ASAP3: variants seen among roughly 807,000 people sequenced by gnomAD.
ASAP3 encodes the protein ArfGAP with SH3 domain, ankyrin repeat and PH domain 3.
In ASAP3, 85 loss-of-function variants were observed where a neutral mutation model predicts 118.2. The ratio of observed to expected loss-of-function variants is 0.72; its 90% CI spans 0.60 to 0.86. ASAP3 has a LOEUF of 0.86. Among genes scored for constraint, ASAP3 ranks in the 40% least tolerant of loss-of-function variants. The pLI, the probability that ASAP3 is intolerant of heterozygous loss-of-function variation, is 0.00. For synonymous variants in ASAP3, 432 were observed against 477.4 expected (o/e 0.90, Z 1.24); for missense variants, 1,026 against 1,175.0 (o/e 0.87, Z 1.85).
rs1289402314 is a variant in ASAP3 at position 23,433,616 on chromosome 1, G to A, written c.2019+10C>T. On this transcript the variant is annotated intron_variant, in intron 20 of 24. Coordinates refer to ENST00000336689, the MANE Select transcript of ASAP3 (RefSeq NM_017707.4). ...AGAGTCAGGGGCCCCTTGCCTCCCC[G>A]AGTCCTCACCAGCTCCTCACACTCC... 7 of 1,614,234 alleles carry A rather than the reference G, an allele frequency of 4.3e-6. No homozygotes were observed. The highest frequency in any genetic ancestry group is 1.7e-5 in the Admixed American group (1 of 60,034).
chr1:23,432,525 T>C (rs1640476200), intron 22 of ASAP3, among the ~76,000 whole-genome samples: 1 of 152,004 alleles, frequency 6.6e-6, no homozygotes, highest in Admixed American at 6.6e-5. Context: ...CAACCCCCAA[T>C]CCCAGCAGGA....
chr1:23,431,287 C>T (rs1229007508), intron 23 of ASAP3, among the ~76,000 whole-genome samples, 162 bp from the exon 24 acceptor site: 2 of 152,244 alleles, frequency 1.3e-5, no homozygotes, highest in East Asian at 3.8e-4. Flanking sequence ...AAGGCTGGAA[C>T]TGACCTCCAG....
chr1:23,460,244 C>T (rs1370371485), intron 1 of ASAP3, among the ~76,000 whole-genome samples: 3 of 152,104 alleles, frequency 2.0e-5, no homozygotes, highest in African/African-American at 7.2e-5. Context: ...CGGTGGTTCA[C>T]GCCTATAATC....
At chr1:23,450,307 A>G (rs774356153) in intron 5 of ASAP3, among the ~76,000 whole-genome samples, 5 of 152,212 alleles carry the variant, frequency 3.3e-5, no homozygotes, top group African/African-American at 4.8e-5. Flanking sequence ...ACAGGAACAG[A>G]TTAAATACAT....
intron 1 of ASAP3, among the ~76,000 whole-genome samples, chr1:23,482,447 G>A (rs910109230): frequency 2.0e-5 from 3 of 152,048 alleles, no homozygotes; most frequent in Non-Finnish European, 2.9e-5. Context: ...GCTTGAACCC[G>A]GGAGGCAGAG....
intron 7 of ASAP3, 149 bp from the exon 8 acceptor site, chr1:23,441,879 A>G: frequency 1.2e-6 from 1 of 835,300 alleles, no homozygotes; most frequent in Non-Finnish European, 1.9e-6. Context: ...CATAGACAAG[A>G]GTCTCTCTTG....
Position 23,436,917 on chromosome 1 carries a change from C to T in ASAP3, c.1470G>A (p.Glu490=). The T allele has an allele frequency of 2.5e-6, 4 of 1,611,570 alleles. No individual in the cohort carries two copies. The highest frequency in any genetic ancestry group is 3.4e-6 in the Non-Finnish European group (4 of 1,179,546). Residue 490 remains glutamate, a synonymous_variant, in exon 15 of 25, where the codon GAG becomes GAA. Coordinates refer to ENST00000336689, the MANE Select transcript of ASAP3 (RefSeq NM_017707.4). The surrounding 1 kb of genome is among the most constrained non-coding windows in gnomAD (Gnocchi z 4.2). ...SLTLDLLGPS[E]LLLALNMGNT... is the part of the protein sequence containing the mutation. ...GGCCCCGCCCCGCCCTCACCAACAACTCGGAGGGGCCCAGCAGGTCCAAGG... is the reference window on the plus strand; with the variant it reads ...GGCCCCGCCCCGCCCTCACCAACAATTCGGAGGGGCCCAGCAGGTCCAAGG...
intron 1 of ASAP3, among the ~76,000 whole-genome samples, chr1:23,470,836 A>G (rs1434644091): frequency 6.6e-6 from 1 of 152,094 alleles, no homozygotes; most frequent in African/African-American, 2.4e-5. Context: ...AGGGAGCCAC[A>G]CCCTCGATGT....
upstream of ASAP3, chr1:23,484,201 G>T (rs1433432821): frequency 1.7e-6 from 2 of 1,209,610 alleles, no homozygotes; most frequent in Non-Finnish European, 2.1e-6. Flanking sequence ...CGCTGAGCCG[G>T]CCTCACCGCC....
intron 4 of ASAP3, 128 bp downstream of exon 4, chr1:23,452,569 G>T (rs1458482822): frequency 1.9e-6 from 2 of 1,028,142 alleles, no homozygotes; most frequent in Non-Finnish European, 3.0e-6. Context: ...ACCTCCCCAG[G>T]CTCATCACTC....
Position 23,484,122 on chromosome 1 carries a change from C to A in ASAP3, c.12G>T (p.Gln4His). Reference sequence around the variant, plus strand: ...CGGCCAGGAACTCGGCGACGCTGAACTGCTCCGGCATGGCGGGCGCGAGCG... The same window carrying A: ...CGGCCAGGAACTCGGCGACGCTGAAATGCTCCGGCATGGCGGGCGCGAGCG... MPEQFSVAEFLAVT... is the reference protein window; with the variant it reads MPEHFSVAEFLAVT... The change falls in exon 1 of 25, where the codon CAG becomes CAT. Residue 4 changes from glutamine (Q) to histidine (H), a missense_variant. Gln to His is a conservative substitution (Grantham distance 24, BLOSUM62 0). Coordinates refer to ENST00000336689, the MANE Select transcript of ASAP3 (RefSeq NM_017707.4). 1 of 1,310,454 alleles carries A rather than the reference C, an allele frequency of 7.6e-7. No individual in the cohort carries two copies. The highest frequency in any genetic ancestry group is 9.7e-7 in the Non-Finnish European group (1 of 1,033,938). The allele number at this position is 1,310,454 out of a possible 1,614,324, so 81.2% of individuals were successfully genotyped here. A position where few individuals can be genotyped will look rare whatever the true frequency, so the allele number is the denominator to read the frequency against.
In ASAP3 at chr1:23,429,708, G is replaced by A; in HGVS notation, c.*148C>T. The A allele has an allele frequency of 2.7e-6, 2 of 733,388 alleles. No individual in the cohort carries two copies. The highest frequency in any genetic ancestry group is 3.8e-5 in the South Asian group (2 of 53,138). The allele number at this position is 733,388 out of a possible 1,614,324, so 45.4% of individuals were successfully genotyped here. ...TGTCCTTGGTAGAGGCATGGCCTGTGGCAGGAAGAAGGCCAGCTACAGAGG... is the reference window on the plus strand; with the variant it reads ...TGTCCTTGGTAGAGGCATGGCCTGTAGCAGGAAGAAGGCCAGCTACAGAGG... On this transcript the variant is annotated 3_prime_UTR_variant, in exon 25 of 25. Transcript: ENST00000336689.
At chr1:23,456,919 G>A (rs1205360597) in intron 1 of ASAP3, among the ~76,000 whole-genome samples, 1 of 152,136 alleles carries the variant, frequency 6.6e-6, no homozygotes, top group East Asian at 1.9e-4. Flanking sequence ...AAAGCCCAGA[G>A]GCTGCAGAAC....
chr1:23,437,606 G>T lies in ASAP3; in HGVS notation c.1103-134C>A. On this transcript the variant is annotated intron_variant, in intron 12 of 24. Transcript: ENST00000336689. The surrounding 1 kb of genome is among the most constrained non-coding windows in gnomAD (Gnocchi z 6.1). ...CAAGTCGGACTCTCAAGCTAGGAGT[G>T]GGAAGGGAGTGGAATGACAGTGGCC... The T allele has an allele frequency of 9.0e-7, 1 of 1,116,772 alleles. No homozygotes were observed. Among genetic ancestry groups the T allele is most frequent in the Non-Finnish European group, 1.3e-6 (1 of 783,960 alleles). The allele number at this position is 1,116,772 out of a possible 1,614,324, so 69.2% of individuals were successfully genotyped here.
At chr1:23,456,229 C>T (rs78337828) in intron 1 of ASAP3, 35 bp from the exon 2 acceptor site, 67,665 of 1,600,876 alleles carry the variant, frequency 0.042, 1,651 homozygotes, top group Middle Eastern at 0.1. Context: ...TCAGGGATGC[C>T]AAGCTGGAAT....
In ASAP3 at chr1:23,431,129, G is replaced by A; in HGVS notation, c.2547-4C>T. ...ATAGGAGCGAGTGCTCTCGGAGCTG[G>A]AAGGCAGGGAAAGGCCAACATGACC... On this transcript the variant is annotated splice_region_variant and splice_polypyrimidine_tract_variant and intron_variant, in intron 23 of 24. Transcript: ENST00000336689. 4 of 1,578,232 alleles carry A rather than the reference G, an allele frequency of 2.5e-6. No homozygotes were observed. Among genetic ancestry groups the A allele is most frequent in the Non-Finnish European group, 3.4e-6 (4 of 1,162,160 alleles).
In ASAP3 at chr1:23,438,907, A is replaced by T. The variant is rs1295980406; in HGVS notation, c.1015-73T>A. 6.8e-7 allele frequency: 1 copy of T among 1,461,780 alleles called. No individual in the cohort carries two copies. Among genetic ancestry groups the T allele is most frequent in the East Asian group, 2.3e-5 (1 of 44,074 alleles). The allele number at this position is 1,461,780 out of a possible 1,614,324, so 90.6% of individuals were successfully genotyped here. On this transcript the variant is annotated intron_variant, in intron 11 of 24. Coordinates refer to ENST00000336689, the MANE Select transcript of ASAP3 (RefSeq NM_017707.4). This position sits in a 1 kb window ranked among gnomAD's most constrained non-coding sequence, Gnocchi z 4.9. The stretch of plus-strand genomic sequence containing the variant: ...CACATTCTTTAGGCCTCCATTTCCC[A>T]CTCTGTTAAATGGGCATAATCATCC...
At chr1:23,441,281 A>G (rs1230706023) in intron 9 of ASAP3, 70 bp from the exon 10 acceptor site, 1 of 1,600,504 alleles carries the variant, frequency 6.2e-7, no homozygotes, top group African/African-American at 1.3e-5. Context: ...GCGGGGGCTC[A>G]CTCAGGGAGA....
At chr1:23,484,221 C>A (rs984561602), upstream of ASAP3, 6 of 1,181,770 alleles carry the variant, frequency 5.1e-6, no homozygotes, top group African/African-American at 8.0e-5. Context: ...CGGCCGGGGG[C>A]GCCGTCCCGG....
Sources: allele counts gnomAD v4.1 joint callset (sites outside exome capture counted in the v4.1 genomes callset), GRCh38; gene constraint gnomAD v4.1.1; non-coding constraint Gnocchi (gnomAD v3.1); transcripts MANE v1.5; gene names NCBI Gene and HGNC (gene_info 2026-07-23, HGNC 2026-07-21).